Variants in CDH12 observed in about 807,000 individuals in gnomAD.
The protein encoded by CDH12 is cadherin-12.
Under a neutral mutation model 74.1 loss-of-function variants are expected in CDH12, and 41 were observed. The ratio of observed to expected loss-of-function variants is 0.55; its 90% CI spans 0.43 to 0.72. The LOEUF (loss-of-function observed/expected upper bound fraction) is 0.72. Ranked by LOEUF, CDH12 falls within the 30% of genes least tolerant of loss-of-function variation. The pLI is 0.00. For synonymous variants in CDH12, 399 were observed against 355.0 expected, an observed-to-expected ratio of 1.12 and a Z score of -1.39; for missense variants, 945 against 977.2, an observed-to-expected ratio of 0.97 and a Z score of 0.44.
intron 1 of CDH12, among the ~76,000 whole-genome samples, chr5:22,815,424 G>A (rs1021301212): frequency 6.6e-6 from 1 of 152,052 alleles, no homozygotes; most frequent in Admixed American, 6.6e-5. Context: ...ACAAGTAATG[G>A]CAATGAAGAA....
chr5:22,726,081 C>T (rs955070986), intron 1 of CDH12, among the ~76,000 whole-genome samples: 1 of 151,548 alleles, frequency 6.6e-6, no homozygotes, highest in African/African-American at 2.4e-5. Flanking sequence ...TATATTAAGG[C>T]CCCTTCTTGT....
chr5:22,159,015 C>T (rs1165381365), intron 4 of CDH12, among the ~76,000 whole-genome samples: 3 of 152,074 alleles, frequency 2.0e-5, no homozygotes, highest in Admixed American at 1.3e-4. Flanking sequence ...TTGTTGGCAT[C>T]GGTTCCCCTA....
At chr5:22,586,896 G>C (rs1180380999) in intron 1 of CDH12, among the ~76,000 whole-genome samples, 8 of 145,386 alleles carry the variant, frequency 5.5e-5, no homozygotes, top group Non-Finnish European at 1.5e-5. Flanking sequence ...GCTCAGGCTG[G>C]AGTGCAATGG....
intron 1 of CDH12, among the ~76,000 whole-genome samples, chr5:22,595,450 T>C (rs1308721404): frequency 6.6e-6 from 1 of 152,198 alleles, no homozygotes; most frequent in Admixed American, 6.5e-5. Context: ...GAGAACAATT[T>C]GATCATTATA....
intron 1 of CDH12, among the ~76,000 whole-genome samples, chr5:22,768,280 T>C (rs1286121529): frequency 6.6e-6 from 1 of 152,060 alleles, no homozygotes; most frequent in African/African-American, 2.4e-5. Flanking sequence ...GATAACTCTA[T>C]CCCATGGAAA....
intron 3 of CDH12, among the ~76,000 whole-genome samples, chr5:22,315,188 T>C (rs1441013911): frequency 7.1e-6 from 1 of 141,462 alleles, no homozygotes; most frequent in Non-Finnish European, 1.5e-5. Flanking sequence ...GGTCTCGATC[T>C]CCTGACCTTG....
intron 7 of CDH12, among the ~76,000 whole-genome samples, chr5:21,850,345 T>C (rs911755031): frequency 1.7e-4 from 25 of 151,468 alleles, no homozygotes; most frequent in African/African-American, 6.0e-4. Context: ...GGAGAATGAA[T>C]AAGTAAGATG....
intron 4 of CDH12, among the ~76,000 whole-genome samples, chr5:22,100,397 A>G (rs1255359015): frequency 6.6e-6 from 1 of 152,202 alleles, no homozygotes; most frequent in Non-Finnish European, 1.5e-5. Flanking sequence ...AGGAAATACT[A>G]TTAAGCAAGA....
chr5:22,736,386 TA>T (rs1409493322), intron 1 of CDH12, among the ~76,000 whole-genome samples: 8 of 151,820 alleles, frequency 5.3e-5, no homozygotes, highest in Admixed American at 1.3e-4. Flanking sequence ...CTTTTTGTGT[TA>T]TTTGCAAAAG....
chr5:22,842,472 G>A (rs1737121161), intron 1 of CDH12, among the ~76,000 whole-genome samples: 1 of 152,046 alleles, frequency 6.6e-6, no homozygotes, highest in African/African-American at 2.4e-5. Flanking sequence ...TTTTTTGCAA[G>A]AGAGTTACAG....
chr5:22,090,488 C>CAAAAA (rs57410067), intron 4 of CDH12, among the ~76,000 whole-genome samples: 4 of 130,740 alleles, frequency 3.1e-5, no homozygotes, highest in Non-Finnish European at 1.7e-5. Flanking sequence ...TCTGTAAACT[C>CAAAAA]AAAAAAAAAA....
intron 6 of CDH12, among the ~76,000 whole-genome samples, chr5:21,901,756 T>C (rs1753396766): frequency 6.6e-6 from 1 of 152,092 alleles, no homozygotes; most frequent in Admixed American, 6.6e-5. Flanking sequence ...CTCACTATGA[T>C]CTGCTTGCAC....
At chr5:22,559,920 CT>C (rs1415181416) in intron 1 of CDH12, among the ~76,000 whole-genome samples, 1 of 152,064 alleles carries the variant, frequency 6.6e-6, no homozygotes, top group African/African-American at 2.4e-5. Context: ...CAGAGAAAGA[CT>C]TTGTTTTATT....
At chr5:22,157,025 C>T (rs1348574156) in intron 4 of CDH12, among the ~76,000 whole-genome samples, 2 of 152,010 alleles carry the variant, frequency 1.3e-5, no homozygotes, top group Admixed American at 1.3e-4. Context: ...TGAAAAATGA[C>T]ATGTTTAACA....
intron 2 of CDH12, among the ~76,000 whole-genome samples, chr5:22,484,585 C>A (rs1341493890): frequency 6.6e-6 from 1 of 152,176 alleles, no homozygotes; most frequent in African/African-American, 2.4e-5. Context: ...GACTCAATTC[C>A]TTCAAACTTG....
intron 1 of CDH12, among the ~76,000 whole-genome samples, chr5:22,848,346 T>C (rs1377649754): frequency 6.6e-6 from 1 of 152,184 alleles, no homozygotes; most frequent in African/African-American, 2.4e-5. Context: ...ATTGCTGCTT[T>C]TTAGTGATTA....
At chr5:21,991,688 G>T (rs1252688922) in intron 5 of CDH12, among the ~76,000 whole-genome samples, 4 of 151,376 alleles carry the variant, frequency 2.6e-5, no homozygotes, top group African/African-American at 9.7e-5. Flanking sequence ...CCATTACTGT[G>T]GGGATTGCTT....
chr5:22,457,752 T>G (rs146713518), intron 2 of CDH12, among the ~76,000 whole-genome samples: 1,445 of 143,638 alleles, frequency 0.01, 21 homozygotes, highest in African/African-American at 0.035. Flanking sequence ...CTAATTTTTT[T>G]ATTTTTTTTT....
At chr5:22,315,135 T>TTTTTTTTTA in intron 3 of CDH12, among the ~76,000 whole-genome samples, 1 of 121,570 alleles carries the variant, frequency 8.2e-6, no homozygotes, top group South Asian at 3.2e-4. Context: ...TTTTTTTTTT[T>TTTTTTTTTA]TTTTTTTTAG....
Sources: allele counts gnomAD v4.1 joint callset (sites outside exome capture counted in the v4.1 genomes callset), GRCh38; gene constraint gnomAD v4.1.1; transcripts MANE v1.5; gene names NCBI Gene and HGNC (gene_info 2026-07-23, HGNC 2026-07-21).